Variants in SART3 observed in about 807,000 individuals in gnomAD.
SART3 encodes HIV-1 Tat-interacting protein of 110kDa.
Under a neutral mutation model 122.3 loss-of-function variants are expected in SART3, and 44 were observed. That is an observed-to-expected ratio of 0.36 (90% CI 0.28 to 0.46). The LOEUF (loss-of-function observed/expected upper bound fraction) is 0.46. Among genes scored for constraint, SART3 ranks in the 20% least tolerant of loss-of-function variants. The pLI, the probability that SART3 is intolerant of heterozygous loss-of-function variation, is 1.00. For missense variants in SART3, 1,101 were observed against 1,229.0 expected, an observed-to-expected ratio of 0.90 and a Z score of 1.56; for synonymous variants, 442 against 454.0, an observed-to-expected ratio of 0.97 and a Z score of 0.34.
At chr12:108,542,999 C>T (rs779820673) in intron 6 of SART3, 29 bp downstream of exon 6, 13 of 1,613,946 alleles carry the variant, frequency 8.1e-6, no homozygotes, top group South Asian at 6.6e-5. Context: ...TGTAGAGAGA[C>T]GTTTACTATA....
chr12:108,530,233 C>T lies in SART3; in HGVS notation c.1824G>A (p.Lys608=), dbSNP rs765943876. ...TCTTTTTCTTCTTTTTTAACGCTTT[C>T]TTCTCAGCCCGAGCTCTTTTCCGTT... ...AEQRKRARAE[K]KALKKKKKIR... is the part of the protein sequence containing the mutation. Residue 608 remains lysine (K), a synonymous_variant, in exon 15 of 19, where the codon AAG becomes AAA. Transcript: ENST00000546815. The T allele has an allele frequency of 6.2e-7, 1 of 1,614,180 alleles. No homozygotes were observed. The highest frequency in any genetic ancestry group is 2.2e-5 in the East Asian group (1 of 44,888).
intron 1 of SART3, among the ~76,000 whole-genome samples, chr12:108,558,243 T>A (rs545615190): frequency 6.6e-6 from 1 of 152,212 alleles, no homozygotes; most frequent in Non-Finnish European, 1.5e-5. Context: ...ACAGACCTAT[T>A]TGGAAGCAAT....
Position 108,526,251 on chromosome 12 carries a change from T to C in SART3, c.2218A>G (p.Ser740Gly). 6.2e-7 allele frequency: 1 copy of C among 1,614,198 alleles called. No individual in the cohort carries two copies. The highest frequency in any genetic ancestry group is 8.5e-7 in the Non-Finnish European group (1 of 1,180,028). The change falls in exon 16 of 19, where the codon AGC (serine) becomes GGC (glycine). Residue 740 changes from serine to glycine, a missense_variant. Coordinates refer to ENST00000546815, the MANE Select transcript of SART3 (RefSeq NM_014706.4). ...TAACCTCGGAAATCCCCACGGTTGCTGAAGATGGGTCGGATCTGGACCACC... is the reference window on the plus strand; with the variant it reads ...TAACCTCGGAAATCCCCACGGTTGCCGAAGATGGGTCGGATCTGGACCACC... Reference protein sequence around the residue: ...GEVVQIRPIFSNRGDFRGYCY... With the variant: ...GEVVQIRPIFGNRGDFRGYCY...
At chr12:108,549,887 T>C (rs1341227918) in intron 1 of SART3, among the ~76,000 whole-genome samples, 4 of 151,764 alleles carry the variant, frequency 2.6e-5, no homozygotes, top group Non-Finnish European at 5.9e-5. Context: ...CATGGTGGCA[T>C]GCACCTGTGG....
rs754328833 is a variant in SART3 at position 108,532,316 on chromosome 12, C to G, written c.1575G>C (p.Gln525His). 1 of 1,613,850 alleles carries G rather than the reference C, an allele frequency of 6.2e-7. No homozygotes were observed. The highest frequency in any genetic ancestry group is 1.3e-5 in the African/African-American group (1 of 74,928). Reference protein sequence around the residue: ...YNLERAHGDTQHCRKALHRAV... With the variant: ...YNLERAHGDTHHCRKALHRAV... ...CCCGGTGCAGAGCCTTCCGGCAGTG[C>G]TGGGTGTCACCATGAGCTCTAAGGC... The change falls in exon 13 of 19, where the codon CAG (glutamine) becomes CAC (histidine). Residue 525 changes from glutamine to histidine, a missense_variant. Physicochemically the swap from Gln to His is conservative, Grantham distance 24. Transcript: ENST00000546815.
At chr12:108,547,786 G>A (rs980844302) in intron 3 of SART3, 101 bp downstream of exon 3, 21 of 818,064 alleles carry the variant, frequency 2.6e-5, no homozygotes, top group Admixed American at 4.0e-5. Context: ...TGAAACTAAC[G>A]TTCCCTTTTC....
chr12:108,536,025 G>T (rs1872888513), intron 11 of SART3, among the ~76,000 whole-genome samples: 1 of 152,160 alleles, frequency 6.6e-6, no homozygotes. Flanking sequence ...GATCAAGGGA[G>T]GTTCCGTGTC....
intron 8 of SART3, chr12:108,537,799 G>A (rs1054489087): frequency 9.3e-5 from 61 of 658,526 alleles, no homozygotes; most frequent in Non-Finnish European, 1.3e-4. Context: ...TCTTCCACAA[G>A]ACGCCCTGCA....
At chr12:108,540,514 T>C (rs182595471) in intron 6 of SART3, among the ~76,000 whole-genome samples, 5 of 151,776 alleles carry the variant, frequency 3.3e-5, no homozygotes, top group Admixed American at 2.0e-4. Flanking sequence ...TATATGTTCA[T>C]AGATTGGAAG....
intron 1 of SART3, among the ~76,000 whole-genome samples, chr12:108,556,563 C>T (rs751752441): frequency 6.6e-6 from 1 of 152,166 alleles, no homozygotes; most frequent in Non-Finnish European, 1.5e-5. Flanking sequence ...TGAACTCATC[C>T]GATGATCACA....
Position 108,528,704 on chromosome 12 carries a change from G to A in SART3, c.1915+1438C>T, listed in dbSNP as rs557385637. Among the ~76,000 whole-genome samples the A allele has an allele frequency of 2.0e-5, 3 of 152,294 alleles. No homozygotes were observed. In the South Asian group the frequency reaches 6.2e-4, roughly 32 times the overall value. On this transcript the variant is annotated intron_variant, in intron 15 of 18. Transcript: ENST00000546815. ...GCCCCGGGTGTGGGAGACCAAACAG[G>A]GTGGGGATGGCACATATGAGAAGGG...
chr12:108,532,987 T>C (rs182143922), intron 12 of SART3, among the ~76,000 whole-genome samples: 118 of 152,310 alleles, frequency 7.7e-4, no homozygotes, highest in African/African-American at 2.5e-3. Flanking sequence ...CAGATCCTTT[T>C]TGTACACTGC....
chr12:108,531,142 C>A, intron 14 of SART3, 62 bp downstream of exon 14: 1 of 1,224,296 alleles, frequency 8.2e-7, no homozygotes, highest in Non-Finnish European at 1.2e-6. Flanking sequence ...CAAGAAACAT[C>A]CATACCAAAC....
At chr12:108,534,407 G>T (rs1222043941) in intron 12 of SART3, among the ~76,000 whole-genome samples, 1 of 151,932 alleles carries the variant, frequency 6.6e-6, no homozygotes. Flanking sequence ...CGTTTAGCCG[G>T]ATATGGTGGC....
rs1433120085 is a variant in SART3 at position 108,561,131 on chromosome 12, C to A, written c.24G>T (p.Ser8=). The A allele has an allele frequency of 1.2e-6, 2 of 1,613,252 alleles. No individual in the cohort carries two copies. The highest frequency in any genetic ancestry group is 1.7e-5 in the Admixed American group (1 of 60,004). The change falls in exon 1 of 19, where the codon TCG becomes TCT. Residue 8 remains serine (S), a synonymous_variant. Transcript: ENST00000546815. The stretch of plus-strand genomic sequence containing the variant: ...TGGACTCAGCCTCGGGTTCTGAAGC[C>A]GAGGTTTCGGCCGCAGTCGCCATCT... MATAAET[S]ASEPEAESKA... is the part of the protein sequence containing the mutation.
At chr12:108,542,293 A>G (rs756505182) in intron 6 of SART3, among the ~76,000 whole-genome samples, 2 of 152,228 alleles carry the variant, frequency 1.3e-5, no homozygotes, top group Non-Finnish European at 2.9e-5. Flanking sequence ...AATATCCAAG[A>G]TTGGCACAAG....
At chr12:108,537,710 C>T in intron 8 of SART3, 115 bp from the exon 9 acceptor site, 1 of 804,860 alleles carries the variant, frequency 1.2e-6, no homozygotes, top group Non-Finnish European at 2.1e-6. Context: ...ATAGATGCAA[C>T]AGAATGAAAT....
intron 11 of SART3, 131 bp from the exon 12 acceptor site, chr12:108,535,599 T>C: frequency 2.6e-6 from 2 of 778,704 alleles, no homozygotes; most frequent in Non-Finnish European, 2.3e-6. Context: ...CCCTGGGCAT[T>C]CCCCAGGCCT....
intron 9 of SART3, chr12:108,537,276 G>A (rs1593239469): frequency 1.5e-5 from 8 of 544,188 alleles, no homozygotes; most frequent in East Asian, 1.3e-4. Context: ...AAGGCTGGCA[G>A]GAGCCAGTAT....
Sources: allele counts gnomAD v4.1 joint callset (sites outside exome capture counted in the v4.1 genomes callset), GRCh38; gene constraint gnomAD v4.1.1; transcripts MANE v1.5; gene names NCBI Gene and HGNC (gene_info 2026-07-23, HGNC 2026-07-21).